CD99L2: variants seen among roughly 807,000 people sequenced by gnomAD.
The protein encoded by CD99L2 is CD99 molecule like 2.
CD99L2 carries 24 observed loss-of-function variants against 27.3 expected under a neutral mutation model. The observed-to-expected ratio is 0.88, with a 90% CI of 0.64 to 1.24. The LOEUF (loss-of-function observed/expected upper bound fraction) is 1.24. Ranked by LOEUF, CD99L2 falls within the 50% of genes most tolerant of loss-of-function variation. The pLI is 0.00. For synonymous variants in CD99L2, 97 were observed against 87.9 expected (o/e 1.10, Z -0.58); for missense variants, 255 against 221.6 (o/e 1.15, Z -0.96).
At chrX:150,785,443 T>C (rs1557419532) in intron 7 of CD99L2, among the ~76,000 whole-genome samples, 1 of 111,912 alleles carries the variant, frequency 8.9e-6, no homozygotes, top group Non-Finnish European at 1.9e-5. Flanking sequence ...GTTACAGACA[T>C]CAGTATCCTT....
At chrX:150,770,265 G>A (rs2043420518) in intron 10 of CD99L2, 39 bp downstream of exon 10, 14 of 1,171,219 alleles carry the variant, frequency 1.2e-5, no homozygotes, top group Non-Finnish European at 1.6e-5. Context: ...GACCAACTAG[G>A]AAAGCGTCAG....
At chrX:150,785,579 A>G (rs1365245317) in intron 7 of CD99L2, among the ~76,000 whole-genome samples, 1 of 111,519 alleles carries the variant, frequency 9.0e-6, no homozygotes, top group Non-Finnish European at 1.9e-5. Context: ...GCACACAACT[A>G]TGAAACCGAG....
At position 150,898,054 on chromosome X, in the gene CD99L2, A is replaced by AACCCCCCCCCCCCCCCC. The variant is rs2047641582; in HGVS notation, c.67+467_67+468insGGGGGGGGGGGGGGGGT. ...AGCTGGTTAGACCTACGCCTCGCTG[A>AACCCCCCCCCCCCCCCC]CCCCCCCCCCCCCCCCCCACAGCCC... is the stretch of plus-strand genomic sequence containing the variant. On this transcript the variant is annotated intron_variant, in intron 1 of 10. Transcript: ENST00000370377. Among the ~76,000 whole-genome samples the AACCCCCCCCCCCCCCCC allele has an allele frequency of 1.0e-4, 3 of 29,926 alleles. 1 individual carries two copies. In the Admixed American group the frequency reaches 1.4e-3, roughly 14 times the overall value. The allele number at this position is 29,926 out of a possible 115,157, so 26.0% of individuals were successfully genotyped here. A position where few individuals can be genotyped will look rare whatever the true frequency, so the allele number is the denominator to read the frequency against.
chrX:150,853,271 A>G (rs1557421654), intron 1 of CD99L2, among the ~76,000 whole-genome samples: 3 of 111,939 alleles, frequency 2.7e-5, no homozygotes, highest in South Asian at 7.5e-4. Context: ...TTTGGAAATT[A>G]TTTAGGAAGA....
At position 150,767,783 on chromosome X, in the gene CD99L2, C is replaced by CT. The variant is rs2043336431; in HGVS notation, c.*1250dup. The CT allele has an allele frequency of 8.9e-6, 1 of 111,770 alleles. No homozygotes were observed. The highest frequency in any genetic ancestry group is 9.4e-5 in the Admixed American group (1 of 10,658). 9.2% of individuals were successfully genotyped at this position (111,770 alleles called of 1,213,427 possible). A position where few individuals can be genotyped will look rare whatever the true frequency, so the allele number is the denominator to read the frequency against. On this transcript the variant is annotated 3_prime_UTR_variant, in exon 11 of 11. Coordinates refer to ENST00000370377, the MANE Select transcript of CD99L2 (RefSeq NM_031462.4). ...AGTGCTTTCTGACACAGCAAACTGACTATCAGTAGACAGGGGCCCTAGACC... is the reference window on the plus strand; with the variant it reads ...AGTGCTTTCTGACACAGCAAACTGACTTATCAGTAGACAGGGGCCCTAGACC...
intron 1 of CD99L2, among the ~76,000 whole-genome samples, chrX:150,835,420 C>T (rs1242339172): frequency 8.9e-6 from 1 of 111,761 alleles, no homozygotes; most frequent in African/African-American, 3.3e-5. Context: ...GTCCCAATTA[C>T]TTGGAAGGCT....
chrX:150,771,014 C>T (rs1557419041), intron 9 of CD99L2, among the ~76,000 whole-genome samples: 1 of 112,396 alleles, frequency 8.9e-6, no homozygotes, highest in Non-Finnish European at 1.9e-5. Flanking sequence ...GGGGACTGTA[C>T]CAAGCATTCC....
chrX:150,777,452 G>T lies in CD99L2; in HGVS notation c.527C>A (p.Pro176His). 1 of 1,211,838 alleles carries T rather than the reference G, an allele frequency of 8.3e-7. No individual in the cohort carries two copies. The highest frequency in any genetic ancestry group is 1.8e-5 in the South Asian group (1 of 56,986). The change falls in exon 8 of 11, where the codon CCT (proline) becomes CAT (histidine). Residue 176 changes from proline to histidine, a missense_variant. Transcript: ENST00000370377. ...AGGATTCAGAAACCCACCAGATCCA[G>T]GGTCGTCATTGCTGCCGTACCGGCC... ...GDGRYGSNDD[P>H]GSGMVAEPGT...
At chrX:150,795,313 G>C (rs1443020857) in intron 5 of CD99L2, 24 bp from the exon 6 acceptor site, 6 of 1,207,953 alleles carry the variant, frequency 5.0e-6, no homozygotes, top group Non-Finnish European at 6.7e-6. Context: ...CAAAATAAAA[G>C]AAATACTCAA....
At chrX:150,882,228 C>G (rs1365118739) in intron 1 of CD99L2, among the ~76,000 whole-genome samples, 1 of 111,629 alleles carries the variant, frequency 9.0e-6, no homozygotes, top group Admixed American at 9.5e-5. Flanking sequence ...TCCACGTGCC[C>G]TTCAGCCATC....
chrX:150,771,582 C>A (rs1557419073), intron 9 of CD99L2, among the ~76,000 whole-genome samples: 2 of 111,476 alleles, frequency 1.8e-5, no homozygotes, highest in African/African-American at 6.5e-5. Context: ...CCTCAACTCT[C>A]CCCCCACCCC....
intron 2 of CD99L2, among the ~76,000 whole-genome samples, chrX:150,827,369 C>T (rs782499539): frequency 1.3e-4 from 14 of 111,315 alleles, no homozygotes; most frequent in Admixed American, 1.1e-3. Context: ...ACATACATCA[C>T]ATACAGGTGG....
At chrX:150,818,740 A>G (rs1411870960) in intron 2 of CD99L2, 1 of 196,777 alleles carries the variant, frequency 5.1e-6, no homozygotes, top group African/African-American at 3.0e-5. Flanking sequence ...AGACACTGCC[A>G]TCGTCAACCC....
At chrX:150,885,470 T>C (rs1159613296) in intron 1 of CD99L2, among the ~76,000 whole-genome samples, 1 of 112,375 alleles carries the variant, frequency 8.9e-6, no homozygotes, top group African/African-American at 3.2e-5. Flanking sequence ...GTGAAAACTA[T>C]ATACAGTTTG....
intron 4 of CD99L2, among the ~76,000 whole-genome samples, chrX:150,797,109 A>G (rs2045808914): frequency 9.0e-6 from 1 of 111,202 alleles, no homozygotes; most frequent in Non-Finnish European, 1.9e-5. Flanking sequence ...CTAGCTAGAT[A>G]CTAGAAAAAC....
intron 1 of CD99L2, among the ~76,000 whole-genome samples, chrX:150,877,811 C>T (rs1219134347): frequency 9.1e-6 from 1 of 109,851 alleles, no homozygotes; most frequent in African/African-American, 3.3e-5. Flanking sequence ...AGTGAGTCCA[C>T]GTCTCAAAAA....
rs2043425587 is a variant in CD99L2 at position 150,770,469 on chromosome X, C to T, written c.656-100G>A. 5.5e-6 allele frequency: 4 copies of T among 733,076 alleles called. No individual in the cohort carries two copies. The East Asian group carries it at 1.3e-4, about 24-fold the overall frequency. 60.4% of individuals were successfully genotyped at this position (733,076 alleles called of 1,213,427 possible). A position where few individuals can be genotyped will look rare whatever the true frequency, so the allele number is the denominator to read the frequency against. Reference sequence around the variant, plus strand: ...ACCAAGTCCTCTGCAGCTAAAAAAGCAGCACAGCTCCCCTGGGGAACTCAA... The same window carrying T: ...ACCAAGTCCTCTGCAGCTAAAAAAGTAGCACAGCTCCCCTGGGGAACTCAA... On this transcript the variant is annotated intron_variant, in intron 9 of 10. Transcript: ENST00000370377.
At chrX:150,777,387 C>G (rs782652527) in intron 8 of CD99L2, 57 bp downstream of exon 8, 26 of 1,194,252 alleles carry the variant, frequency 2.2e-5, no homozygotes, top group Middle Eastern at 2.3e-4. Context: ...TTTTGGGGTC[C>G]TGAGATTCAT....
intron 4 of CD99L2, among the ~76,000 whole-genome samples, chrX:150,809,371 G>C: frequency 8.9e-6 from 1 of 112,041 alleles, no homozygotes; most frequent in Non-Finnish European, 1.9e-5. Context: ...ACCCAGCTAC[G>C]TAGGACCCAT....
Sources: allele counts gnomAD v4.1 joint callset (sites outside exome capture counted in the v4.1 genomes callset), GRCh38; gene constraint gnomAD v4.1.1; transcripts MANE v1.5; gene names NCBI Gene and HGNC (gene_info 2026-07-23, HGNC 2026-07-21).